The following DDX10 variants were observed in gnomAD, a reference collection of about 807,000 sequenced individuals.
DDX10 encodes the protein probable ATP-dependent RNA helicase DDX10.
In DDX10, 74 loss-of-function variants were observed where a neutral mutation model predicts 104.3. The observed-to-expected ratio is 0.71, with a 90% confidence interval of 0.59 to 0.86. The LOEUF is 0.86. Ranked by LOEUF, DDX10 falls within the 40% of genes least tolerant of loss-of-function variation. The pLI is 0.00. For synonymous variants in DDX10, 351 were observed against 353.4 expected, an observed-to-expected ratio of 0.99 and a Z score of 0.08; for missense variants, 952 against 1,040.0, an observed-to-expected ratio of 0.92 and a Z score of 1.16.
At chr11:108,938,045 G>A (rs1201269636) in intron 17 of DDX10, among the ~76,000 whole-genome samples, 2 of 152,082 alleles carry the variant, frequency 1.3e-5, no homozygotes, top group Non-Finnish European at 2.9e-5. Context: ...TCATCTCAGG[G>A]ACCTCCTTAC....
chr11:108,845,101 C>G (rs540275142), intron 15 of DDX10, among the ~76,000 whole-genome samples: 1 of 151,880 alleles, frequency 6.6e-6, no homozygotes, highest in Admixed American at 6.6e-5. Flanking sequence ...CCAGCTACTC[C>G]GGAGGCTGAG....
At chr11:108,852,994 A>C (rs1198007618) in intron 16 of DDX10, among the ~76,000 whole-genome samples, 2 of 152,070 alleles carry the variant, frequency 1.3e-5, no homozygotes, top group African/African-American at 4.8e-5. Context: ...TTTTTTTTCC[A>C]TGCTGGCCAT....
chr11:108,804,742 T>G (rs537120612), intron 13 of DDX10, among the ~76,000 whole-genome samples: 76 of 152,306 alleles, frequency 5.0e-4, no homozygotes, highest in Non-Finnish European at 9.6e-4. Context: ...TGCATTTCTT[T>G]TGACAGCTGT....
intron 13 of DDX10, among the ~76,000 whole-genome samples, chr11:108,826,673 C>T (rs1015974417): frequency 3.3e-5 from 5 of 152,132 alleles, no homozygotes; most frequent in Admixed American, 1.3e-4. Flanking sequence ...GCCCAATTAG[C>T]GGTGACTTGC....
Position 108,896,181 on chromosome 11 carries a change from A to G in DDX10, c.2305-21692A>G, listed in dbSNP as rs9971390. Among the ~76,000 whole-genome samples, 399 of 152,268 alleles carry G rather than the reference A, an allele frequency of 2.6e-3. 3 individuals carry two copies. Among genetic ancestry groups the G allele is most frequent in the African/African-American group, 9.0e-3 (374 of 41,562 alleles). On this transcript the variant is annotated intron_variant, in intron 16 of 17. Coordinates refer to ENST00000322536, the MANE Select transcript of DDX10 (RefSeq NM_004398.4). ...ATACATCTACTATGAATTGTTATAGAGCAATTCTTGTTAGTTATTTATATA... is the reference window on the plus strand; with the variant it reads ...ATACATCTACTATGAATTGTTATAGGGCAATTCTTGTTAGTTATTTATATA...
In DDX10 at chr11:108,703,303, C is replaced by T. The variant is rs140246754; in HGVS notation, c.1224-3436C>T. Among the ~76,000 whole-genome samples the T allele has an allele frequency of 8.5e-5, 13 of 152,124 alleles. No individual in the cohort carries two copies. The East Asian group carries it at 2.5e-3, about 29-fold the overall frequency. On this transcript the variant is annotated intron_variant, in intron 9 of 17. Transcript: ENST00000322536. ...ATTTGAAATAAATATGTTTTGAAAA[C>T]AAATCTGTCTAAATATAGAATTTTA...
intron 13 of DDX10, among the ~76,000 whole-genome samples, chr11:108,797,090 G>C (rs1033141109): frequency 6.6e-6 from 1 of 151,850 alleles, no homozygotes; most frequent in East Asian, 1.9e-4. Flanking sequence ...CTGGAGTGCA[G>C]TGGCACGATC....
intron 10 of DDX10, among the ~76,000 whole-genome samples, chr11:108,708,571 AT>A (rs202129373): frequency 5.0e-4 from 72 of 143,334 alleles, no homozygotes; most frequent in African/African-American, 5.9e-4. Flanking sequence ...TGTTCATAGT[AT>A]TTTTTTTTTT....
intron 16 of DDX10, among the ~76,000 whole-genome samples, chr11:108,852,957 T>A (rs1862815359): frequency 6.6e-6 from 1 of 152,204 alleles, no homozygotes; most frequent in Non-Finnish European, 1.5e-5. Context: ...CCAACTCCCT[T>A]GAGGAAGCCT....
intron 13 of DDX10, among the ~76,000 whole-genome samples, chr11:108,738,999 A>T (rs1189150169): frequency 6.6e-6 from 1 of 152,152 alleles, no homozygotes; most frequent in Non-Finnish European, 1.5e-5. Flanking sequence ...TAAGACTGCT[A>T]GCAAACCTGG....
At chr11:108,933,018 A>T (rs1028574003) in intron 17 of DDX10, among the ~76,000 whole-genome samples, 1 of 151,938 alleles carries the variant, frequency 6.6e-6, no homozygotes, top group Non-Finnish European at 1.5e-5. Flanking sequence ...AAAGAAAAAA[A>T]TTCATGACAC....
chr11:108,906,954 C>T (rs1314380255), intron 16 of DDX10, among the ~76,000 whole-genome samples: 1 of 152,214 alleles, frequency 6.6e-6, no homozygotes, highest in Non-Finnish European at 1.5e-5. Context: ...TCTCAGATTA[C>T]ATTCTTCTTT....
intron 13 of DDX10, among the ~76,000 whole-genome samples, chr11:108,775,519 T>C (rs1461093104): frequency 6.6e-6 from 1 of 152,226 alleles, no homozygotes; most frequent in Non-Finnish European, 1.5e-5. Flanking sequence ...GTTTGATTAA[T>C]TGCATCATCT....
chr11:108,681,129 T>G (rs2094234456), intron 6 of DDX10, among the ~76,000 whole-genome samples: 2 of 152,216 alleles, frequency 1.3e-5, no homozygotes, highest in South Asian at 4.1e-4. Flanking sequence ...CAGACAGATT[T>G]TTTTAATCAT....
At chr11:108,931,299 A>G (rs1358816735) in intron 17 of DDX10, among the ~76,000 whole-genome samples, 1 of 152,212 alleles carries the variant, frequency 6.6e-6, no homozygotes, top group Non-Finnish European at 1.5e-5. Flanking sequence ...CCATGCATAT[A>G]TCACTTATTT....
intron 15 of DDX10, among the ~76,000 whole-genome samples, chr11:108,845,377 T>A (rs1190477520): frequency 1.3e-5 from 2 of 152,228 alleles, no homozygotes; most frequent in East Asian, 1.9e-4. Flanking sequence ...GAAGTCACAT[T>A]TTTTTCCTAA....
chr11:108,911,745 A>T (rs371259862), intron 16 of DDX10, among the ~76,000 whole-genome samples: 3 of 151,480 alleles, frequency 2.0e-5, no homozygotes, highest in African/African-American at 7.3e-5. Context: ...ATTTTTTTGT[A>T]GAGATGAGGT....
At chr11:108,671,315 C>T (rs1338434421) in intron 1 of DDX10, among the ~76,000 whole-genome samples, 1 of 152,214 alleles carries the variant, frequency 6.6e-6, no homozygotes, top group East Asian at 1.9e-4. Context: ...AGGCGCACGC[C>T]ACTGCATCTG....
intron 13 of DDX10, among the ~76,000 whole-genome samples, chr11:108,799,506 T>C (rs1395330948): frequency 2.6e-5 from 4 of 152,228 alleles, no homozygotes; most frequent in Non-Finnish European, 5.9e-5. Flanking sequence ...ACAATGATTA[T>C]TTGAGTGACT....
Sources: gnomAD v4.1 joint callset for allele counts (sites outside exome capture counted in the v4.1 genomes callset) on GRCh38, gnomAD v4.1.1 for gene constraint, MANE v1.5 for transcripts, NCBI Gene and HGNC (gene_info 2026-07-23, HGNC 2026-07-21) for gene names.